LINGO2: variants seen among roughly 807,000 people sequenced by gnomAD.
LINGO2 encodes leucine rich repeat and Ig domain containing 2.
In LINGO2, 14 loss-of-function variants were observed where a neutral mutation model predicts 30.6. The ratio of observed to expected loss-of-function variants is 0.46; its 90% CI spans 0.30 to 0.72. The LOEUF is 0.72. LINGO2 is among the 30% of genes least tolerant of loss of function. The pLI is 0.07. For synonymous variants in LINGO2, 317 were observed against 288.5 expected (o/e 1.10, Z -1.00); for missense variants, 729 against 751.7 (o/e 0.97, Z 0.35).
chr9:28,819,598 T>C, the LINGO2 span, among the ~76,000 whole-genome samples: 3 of 152,176 alleles, frequency 2.0e-5, no homozygotes, highest in Admixed American at 6.5e-5. Flanking sequence ...AGTTCACCAC[T>C]CAAACAGCTA....
the LINGO2 span, among the ~76,000 whole-genome samples, chr9:28,845,772 C>A: frequency 2.0e-5 from 3 of 151,000 alleles, no homozygotes; most frequent in East Asian, 3.9e-4. Context: ...TTTAAAAAAT[C>A]TTTCAATTGG....
intron 1 of LINGO2, among the ~76,000 whole-genome samples, chr9:28,634,489 T>C (rs536122796): frequency 4.1e-5 from 6 of 145,294 alleles, no homozygotes; most frequent in Non-Finnish European, 9.0e-5. Flanking sequence ...TTTTTTCTTT[T>C]TTTTTTTTTT....
At chr9:28,840,759 C>A in the LINGO2 span, among the ~76,000 whole-genome samples, 1 of 151,868 alleles carries the variant, frequency 6.6e-6, no homozygotes. Context: ...AGAAAAGTTA[C>A]CTTTAACTAA....
the LINGO2 span, among the ~76,000 whole-genome samples, chr9:29,015,394 G>T: frequency 2.8e-4 from 42 of 152,096 alleles, no homozygotes; most frequent in African/African-American, 9.4e-4. Context: ...TCAGGAGTCA[G>T]CACACTTTTT....
chr9:28,429,088 C>T (rs906517438), intron 2 of LINGO2, among the ~76,000 whole-genome samples: 3 of 152,116 alleles, frequency 2.0e-5, no homozygotes, highest in Non-Finnish European at 4.4e-5. Context: ...AAAATAGAAA[C>T]AGCACTATTC....
chr9:28,319,223 G>T (rs1587459649), intron 3 of LINGO2, among the ~76,000 whole-genome samples: 1 of 152,028 alleles, frequency 6.6e-6, no homozygotes, highest in Non-Finnish European at 1.5e-5. Flanking sequence ...AAAGTAATAG[G>T]GATGGCCACC....
At chr9:28,670,973 A>G (rs72715228), upstream of LINGO2, among the ~76,000 whole-genome samples, 2,921 of 152,258 alleles carry the variant, frequency 0.019, 59 homozygotes, top group Middle Eastern at 0.041. Context: ...TATCTGGGGA[A>G]GAAACTTTTC....
At chr9:28,351,054 T>A (rs970235469) in intron 3 of LINGO2, among the ~76,000 whole-genome samples, 23 of 151,840 alleles carry the variant, frequency 1.5e-4, no homozygotes, top group African/African-American at 5.3e-4. Flanking sequence ...GCAGGAAAGA[T>A]CCAAAATTGG....
At chr9:28,738,334 A>C in the LINGO2 span, among the ~76,000 whole-genome samples, 2 of 152,098 alleles carry the variant, frequency 1.3e-5, no homozygotes. Flanking sequence ...TAGCAACCAA[A>C]TAAACCATAT....
rs368408569 is a variant in LINGO2, at chr9:28,506,515, T to TATAGATAGATAG, written c.-364-30491_-364-30490insCTATCTATCTAT. The stretch of plus-strand genomic sequence containing the variant: ...ACACACACACACAGACATATATATA[T>TATAGATAGATAG]ATATATAAACTGTTGGGGACTAAGT... On this transcript the variant is annotated intron_variant, in intron 1 of 5. Coordinates refer to ENST00000379992, the Ensembl canonical transcript of LINGO2. Among the ~76,000 whole-genome samples, 4 of 100,604 alleles carry TATAGATAGATAG rather than the reference T, an allele frequency of 4.0e-5. 1 individual carries two copies. The highest frequency in any genetic ancestry group is 1.5e-4 in the African/African-American group (4 of 27,110). 66.0% of individuals were successfully genotyped at this position (100,604 alleles called of 152,430 possible). A position where few individuals can be genotyped will look rare whatever the true frequency, so the allele number is the denominator to read the frequency against.
intron 1 of LINGO2, among the ~76,000 whole-genome samples, chr9:28,525,912 G>T (rs926870359): frequency 2.6e-5 from 4 of 151,600 alleles, no homozygotes; most frequent in Non-Finnish European, 1.5e-5. Flanking sequence ...AAAAATTAGC[G>T]GGGCGTGGTG....
At chr9:28,397,480 T>G (rs1822096254) in intron 2 of LINGO2, among the ~76,000 whole-genome samples, 1 of 150,222 alleles carries the variant, frequency 6.7e-6, no homozygotes, top group Non-Finnish European at 1.5e-5. Context: ...AACAGCCACA[T>G]TTTGGATTTT....
chr9:28,034,488 T>C (rs1215094449), intron 4 of LINGO2, among the ~76,000 whole-genome samples: 1 of 152,182 alleles, frequency 6.6e-6, no homozygotes, highest in African/African-American at 2.4e-5. Context: ...GCCTGGCTTT[T>C]GTGGCCCAGA....
At chr9:28,766,580 A>AC in the LINGO2 span, among the ~76,000 whole-genome samples, 1 of 152,002 alleles carries the variant, frequency 6.6e-6, no homozygotes, top group Non-Finnish European at 1.5e-5. Context: ...CTGAATATGT[A>AC]CCCCAAAGGA....
intron 4 of LINGO2, among the ~76,000 whole-genome samples, chr9:28,015,519 T>C (rs905033274): frequency 2.0e-5 from 3 of 152,280 alleles, no homozygotes; most frequent in Non-Finnish European, 4.4e-5. Context: ...CCTTCTATGT[T>C]TAAATTCCGT....
the LINGO2 span, among the ~76,000 whole-genome samples, chr9:28,991,904 C>G: frequency 1.3e-5 from 2 of 151,902 alleles, no homozygotes; most frequent in African/African-American, 4.8e-5. Flanking sequence ...CCAGCCACTG[C>G]AAAAGCATGC....
intron 1 of LINGO2, among the ~76,000 whole-genome samples, chr9:28,658,342 G>T (rs1353625225): frequency 6.6e-6 from 1 of 151,892 alleles, no homozygotes; most frequent in Non-Finnish European, 1.5e-5. Context: ...GAAAATTCAA[G>T]TCTCCTACTA....
the LINGO2 span, among the ~76,000 whole-genome samples, chr9:28,794,933 C>A: frequency 6.6e-6 from 1 of 151,654 alleles, no homozygotes; most frequent in Non-Finnish European, 1.5e-5. Flanking sequence ...CAGGTTCAAG[C>A]GATTCTCCTG....
chr9:28,760,284 G>A, the LINGO2 span, among the ~76,000 whole-genome samples: 1 of 151,958 alleles, frequency 6.6e-6, no homozygotes, highest in East Asian at 1.9e-4. Flanking sequence ...TGTCAGTCAA[G>A]TGGAGGCTTC....
Sources: allele counts gnomAD v4.1 joint callset (sites outside exome capture counted in the v4.1 genomes callset), GRCh38; gene constraint gnomAD v4.1.1; transcripts MANE v1.5; gene names NCBI Gene and HGNC (gene_info 2026-07-23, HGNC 2026-07-21).